GMDS: variants seen among roughly 807,000 people sequenced by gnomAD.
GMDS encodes the protein GDP-mannose 4,6-dehydratase, also known as GDP-mannose 4,6 dehydratase.
GMDS carries 20 observed loss-of-function variants against 49.9 expected under a neutral mutation model. The observed-to-expected ratio is 0.40, with a 90% CI of 0.28 to 0.58. The LOEUF is 0.58. Ranked by LOEUF, GMDS falls within the 20% of genes least tolerant of loss-of-function variation. The probability of loss-of-function intolerance (pLI) is 0.42; values close to 1 mark genes in which losing one functional copy is unlikely to be tolerated. For synonymous variants in GMDS, 177 were observed against 178.6 expected, an observed-to-expected ratio of 0.99 and a Z score of 0.07; for missense variants, 362 against 481.4, an observed-to-expected ratio of 0.75 and a Z score of 2.32.
chr6:1,883,631 C>T (rs1759469612), intron 7 of GMDS, among the ~76,000 whole-genome samples: 1 of 152,118 alleles, frequency 6.6e-6, no homozygotes, highest in South Asian at 2.1e-4. Flanking sequence ...CTAGGTAAGT[C>T]TAATTTTCAC....
chr6:1,994,814 T>A (rs1296212139), intron 4 of GMDS, among the ~76,000 whole-genome samples: 1 of 152,066 alleles, frequency 6.6e-6, no homozygotes, highest in Non-Finnish European at 1.5e-5. Flanking sequence ...AGTCCCACTT[T>A]TAAGAAGAAA....
intron 9 of GMDS, among the ~76,000 whole-genome samples, chr6:1,714,167 A>T (rs748113207): frequency 6.6e-6 from 1 of 151,974 alleles, no homozygotes; most frequent in Non-Finnish European, 1.5e-5. Context: ...ACAGGCGCCC[A>T]CCACCACGCC....
chr6:1,731,838 G>T (rs1432607437), intron 8 of GMDS, among the ~76,000 whole-genome samples: 1 of 152,186 alleles, frequency 6.6e-6, no homozygotes, highest in Non-Finnish European at 1.5e-5. Context: ...TCCACACGGG[G>T]TCAGGTCAGA....
chr6:1,924,920 T>C (rs1373357350), intron 7 of GMDS, among the ~76,000 whole-genome samples: 5 of 151,866 alleles, frequency 3.3e-5, no homozygotes, highest in East Asian at 3.9e-4. Context: ...ATCGCACCAC[T>C]GCACTCCAGC....
intron 1 of GMDS, among the ~76,000 whole-genome samples, chr6:2,222,235 A>G (rs1397473708): frequency 2.0e-5 from 3 of 152,180 alleles, no homozygotes; most frequent in Non-Finnish European, 4.4e-5. Context: ...GGAGCTTCTC[A>G]GAGGTTTACT....
intron 7 of GMDS, among the ~76,000 whole-genome samples, chr6:1,899,800 C>A (rs1016543577): frequency 1.3e-4 from 19 of 151,698 alleles, no homozygotes; most frequent in African/African-American, 4.6e-4. Context: ...TGGAGACCTG[C>A]AACAGGGCAC....
chr6:2,193,061 G>A (rs943782293), intron 1 of GMDS, among the ~76,000 whole-genome samples: 1 of 152,142 alleles, frequency 6.6e-6, no homozygotes, highest in African/African-American at 2.4e-5. Context: ...ATTTGTGAAC[G>A]TTTCAGTTGT....
chr6:1,668,032 ATCGT>A (rs1764290432), intron 9 of GMDS, among the ~76,000 whole-genome samples: 1 of 152,184 alleles, frequency 6.6e-6, no homozygotes, highest in East Asian at 1.9e-4. Context: ...GAAGGGAGTG[ATCGT>A]ACCTGGCTAT....
chr6:1,730,372 T>C (rs1320089265), intron 8 of GMDS, among the ~76,000 whole-genome samples: 1 of 152,084 alleles, frequency 6.6e-6, no homozygotes, highest in Non-Finnish European at 1.5e-5. Context: ...TTAGCAGAAG[T>C]CCTAGAAAAG....
intron 7 of GMDS, among the ~76,000 whole-genome samples, chr6:1,895,741 C>A (rs773097706): frequency 3.3e-5 from 5 of 152,162 alleles, no homozygotes; most frequent in Non-Finnish European, 5.9e-5. Flanking sequence ...AAACTAGTAT[C>A]CTGCCCAATA....
chr6:1,877,994 T>G lies in GMDS; in HGVS notation c.771+52109A>C, dbSNP rs538158726. Among the ~76,000 whole-genome samples, 9 of 152,268 alleles carry G rather than the reference T, an allele frequency of 5.9e-5. No homozygotes were observed. The South Asian group carries it at 1.7e-3, about 28-fold the overall frequency. ...ATCCTTGGTATGAGGAGATGTAACA[T>G]ATAACTGTATGTAGAAATGTCATTC... On this transcript the variant is annotated intron_variant, in intron 7 of 10. Transcript: ENST00000380815.
chr6:2,239,659 A>C (rs759726215), intron 1 of GMDS, among the ~76,000 whole-genome samples: 2 of 151,916 alleles, frequency 1.3e-5, no homozygotes, highest in South Asian at 4.2e-4. Context: ...AGTACTCAAG[A>C]CATCTCTCTC....
chr6:2,101,992 C>T (rs1773951244), intron 4 of GMDS, among the ~76,000 whole-genome samples: 1 of 152,040 alleles, frequency 6.6e-6, no homozygotes, highest in South Asian at 2.1e-4. Context: ...AGGAATGCTA[C>T]TTAATTAACC....
intron 7 of GMDS, among the ~76,000 whole-genome samples, chr6:1,929,598 C>A (rs982837488): frequency 6.6e-6 from 1 of 152,128 alleles, no homozygotes; most frequent in Non-Finnish European, 1.5e-5. Context: ...TAAAGCTCAA[C>A]GACATGCAAT....
At chr6:1,757,161 A>G (rs1767980758) in intron 7 of GMDS, among the ~76,000 whole-genome samples, 1 of 152,202 alleles carries the variant, frequency 6.6e-6, no homozygotes, top group South Asian at 2.1e-4. Context: ...ATTAAGCTCC[A>G]TCTATCTTTA....
At chr6:1,904,410 G>GC (rs1760653442) in intron 7 of GMDS, among the ~76,000 whole-genome samples, 1 of 152,170 alleles carries the variant, frequency 6.6e-6, no homozygotes, top group South Asian at 2.1e-4. Context: ...CAGGAGGACT[G>GC]CCCCCTCCTC....
At chr6:1,729,511 T>C (rs148910270) in intron 8 of GMDS, among the ~76,000 whole-genome samples, 1 of 152,348 alleles carries the variant, frequency 6.6e-6, no homozygotes, top group East Asian at 1.9e-4. Flanking sequence ...AAAACCACTT[T>C]CTAATTTGCA....
chr6:1,896,165 A>G (rs1017459473), intron 7 of GMDS, among the ~76,000 whole-genome samples: 1 of 152,120 alleles, frequency 6.6e-6, no homozygotes, highest in Admixed American at 6.5e-5. Flanking sequence ...CTGGCCTTTT[A>G]GCTTGGACCA....
chr6:1,852,139 C>T (rs1265827851), intron 7 of GMDS, among the ~76,000 whole-genome samples: 1 of 152,242 alleles, frequency 6.6e-6, no homozygotes, highest in African/African-American at 2.4e-5. Flanking sequence ...ACTCCAACCA[C>T]CGCAGTTTTG....
Sources: allele counts gnomAD v4.1 joint callset (sites outside exome capture counted in the v4.1 genomes callset), GRCh38; gene constraint gnomAD v4.1.1; transcripts MANE v1.5; gene names NCBI Gene and HGNC (gene_info 2026-07-23, HGNC 2026-07-21).